PKP4: variants seen among roughly 807,000 people sequenced by gnomAD.
PKP4 encodes the protein plakophilin-4.
PKP4 carries 90 observed loss-of-function variants against 145.1 expected under a neutral mutation model. The ratio of observed to expected loss-of-function variants is 0.62; its 90% confidence interval spans 0.52 to 0.74. The LOEUF is 0.74. Ranked by LOEUF, PKP4 falls within the 30% of genes least tolerant of loss-of-function variation. The pLI is 0.00. For missense variants in PKP4, 1,340 were observed against 1,482.7 expected (o/e 0.90, Z 1.58); for synonymous variants, 563 against 577.2 (o/e 0.98, Z 0.35).
chr2:158,604,515 T>A (rs1187295706), intron 4 of PKP4, among the ~76,000 whole-genome samples: 1 of 152,146 alleles, frequency 6.6e-6, no homozygotes. Context: ...ATTGAAAGCT[T>A]ACTGCAGAAT....
At chr2:158,468,604 G>A (rs1410241977) in intron 1 of PKP4, among the ~76,000 whole-genome samples, 1 of 152,060 alleles carries the variant, frequency 6.6e-6, no homozygotes, top group Admixed American at 6.6e-5. Context: ...AGTGCACCAT[G>A]TTAACAGGCA....
chr2:158,542,682 A>G (rs1008647686), intron 2 of PKP4, among the ~76,000 whole-genome samples: 1 of 152,302 alleles, frequency 6.6e-6, no homozygotes, highest in East Asian at 1.9e-4. Context: ...CATCTCTGAC[A>G]GGTCTGCCAT....
rs1193879943 is a variant in PKP4, at chr2:158,621,237, T to G, written c.419T>G (p.Leu140Trp). The G allele has an allele frequency of 1.9e-6, 3 of 1,614,040 alleles. No individual in the cohort carries two copies. The highest frequency in any genetic ancestry group is 1.3e-5 in the African/African-American group (1 of 74,922). ...QTSLHESEGS[L>W]GNSRSSTQMN... is the part of the protein sequence containing the mutation. ...CTTGGTTTCATTCTTACAGGATCAT[T>G]GGGTAACTCAAGAAGTTCAACACAA... Residue 140 changes from leucine (L) to tryptophan (W), a missense_variant, in exon 6 of 22, where the codon TTG (leucine) becomes TGG (tryptophan). Leu to Trp is a moderately conservative substitution (Grantham distance 61). Transcript: ENST00000389759.
At chr2:158,611,084 A>G (rs2051107225) in intron 4 of PKP4, among the ~76,000 whole-genome samples, 1 of 152,344 alleles carries the variant, frequency 6.6e-6, no homozygotes, top group South Asian at 2.1e-4. Context: ...TTGACTCAGA[A>G]GGCACTGAGG....
chr2:158,629,767 G>A (rs1009010102), intron 7 of PKP4, among the ~76,000 whole-genome samples: 43 of 151,978 alleles, frequency 2.8e-4, no homozygotes, highest in Admixed American at 4.6e-4. Flanking sequence ...CTGGCGTGCA[G>A]TGGCGCGATC....
At chr2:158,471,024 A>G (rs1433626507) in intron 1 of PKP4, among the ~76,000 whole-genome samples, 1 of 152,176 alleles carries the variant, frequency 6.6e-6, no homozygotes, top group African/African-American at 2.4e-5. Context: ...TGCTACAAAC[A>G]CAGCTTCAAT....
At chr2:158,457,351 A>G (rs62182660) in intron 1 of PKP4, 133 bp downstream of exon 1, 6,588 of 150,962 alleles carry the variant, frequency 0.044, 216 homozygotes, top group Non-Finnish European at 0.068. Flanking sequence ...CCGCGTCCCC[A>G]GCGCCTCGCG....
chr2:158,663,519 C>T (rs1227859645), intron 15 of PKP4, 74 bp downstream of exon 15: 1 of 1,308,040 alleles, frequency 7.6e-7, no homozygotes. Flanking sequence ...TATATATGTT[C>T]TGCCTCAGTC....
At chr2:158,674,048 A>T in intron 19 of PKP4, 48 bp downstream of exon 19, 1 of 1,005,948 alleles carries the variant, frequency 9.9e-7, no homozygotes, top group Non-Finnish European at 1.6e-6. Context: ...GTGTGACAGA[A>T]CATTGTTCCC....
intron 11 of PKP4, among the ~76,000 whole-genome samples, chr2:158,646,385 T>C (rs1217384790): frequency 6.6e-6 from 1 of 152,196 alleles, no homozygotes; most frequent in Non-Finnish European, 1.5e-5. Context: ...CAGAAATGAG[T>C]TCCCAGTTCA....
At chr2:158,464,842 G>A (rs891406151) in intron 1 of PKP4, among the ~76,000 whole-genome samples, 1 of 152,254 alleles carries the variant, frequency 6.6e-6, no homozygotes, top group Non-Finnish European at 1.5e-5. Context: ...AGGGGTGCAA[G>A]TGAGGGGACT....
intron 2 of PKP4, among the ~76,000 whole-genome samples, chr2:158,569,332 T>C (rs2047243212): frequency 6.6e-6 from 1 of 152,236 alleles, no homozygotes; most frequent in Non-Finnish European, 1.5e-5. Context: ...TATTAGCTAG[T>C]AAGGCAAGAA....
intron 3 of PKP4, among the ~76,000 whole-genome samples, chr2:158,589,133 G>A (rs1444630379): frequency 1.3e-5 from 2 of 152,120 alleles, no homozygotes; most frequent in African/African-American, 4.8e-5. Context: ...TATAATTATA[G>A]TGTAGGAAAG....
chr2:158,573,587 T>G (rs1400663850), intron 2 of PKP4, among the ~76,000 whole-genome samples: 16 of 151,952 alleles, frequency 1.1e-4, no homozygotes. Context: ...TATAATTTTC[T>G]GTATTTTTGA....
Position 158,662,939 on chromosome 2 carries a change from C to T in PKP4, c.2254C>T (p.Arg752Trp). 2 of 1,612,794 alleles carry T rather than the reference C, an allele frequency of 1.2e-6. No individual in the cohort carries two copies. Among genetic ancestry groups the T allele is most frequent in the Non-Finnish European group, 1.7e-6 (2 of 1,179,762 alleles). ...GTGCACCCTGAGGAACCTGTCCTAT[C>T]GGCTGGAGCTGGAGGTGCCCCAGGC... is the stretch of plus-strand genomic sequence containing the variant. Reference protein sequence around the residue: ...CVCTLRNLSYRLELEVPQARL... With the variant: ...CVCTLRNLSYWLELEVPQARL... The change falls in exon 14 of 22, where the codon CGG (arginine) becomes TGG (tryptophan). Residue 752 changes from arginine to tryptophan, a missense_variant. Arg to Trp is a moderately radical substitution (Grantham distance 101, BLOSUM62 -3). Coordinates refer to ENST00000389759, the MANE Select transcript of PKP4 (RefSeq NM_003628.6).
chr2:158,497,143 C>A (rs1695862112), intron 1 of PKP4, among the ~76,000 whole-genome samples: 1 of 152,104 alleles, frequency 6.6e-6, no homozygotes, highest in Non-Finnish European at 1.5e-5. Context: ...TTGGACAGTG[C>A]CTCACCTAGA....
At chr2:158,523,007 G>A (rs1337744582) in intron 1 of PKP4, among the ~76,000 whole-genome samples, 1 of 152,030 alleles carries the variant, frequency 6.6e-6, no homozygotes, top group Non-Finnish European at 1.5e-5. Flanking sequence ...CTGATTGCTA[G>A]CACAGCAGTC....
At chr2:158,561,437 G>C (rs2046506087) in intron 2 of PKP4, among the ~76,000 whole-genome samples, 1 of 152,204 alleles carries the variant, frequency 6.6e-6, no homozygotes, top group African/African-American at 2.4e-5. Context: ...GTGTTGCCTT[G>C]TTGAACCAAT....
chr2:158,645,295 T>G (rs1292068586), intron 11 of PKP4, among the ~76,000 whole-genome samples: 1 of 152,140 alleles, frequency 6.6e-6, no homozygotes, highest in Non-Finnish European at 1.5e-5. Flanking sequence ...CATGTAGATA[T>G]AAAATGAAAA....
Sources: gnomAD v4.1 joint callset for allele counts (sites outside exome capture counted in the v4.1 genomes callset) on GRCh38, gnomAD v4.1.1 for gene constraint, MANE v1.5 for transcripts, NCBI Gene and HGNC (gene_info 2026-07-23, HGNC 2026-07-21) for gene names.